The following CHD6 variants were observed in gnomAD, a reference collection of about 807,000 sequenced individuals.
The protein encoded by CHD6 is chromodomain helicase DNA binding protein 6, also known as ATP-dependent chromatin remodeler CHD6.
Under a neutral mutation model 276.9 loss-of-function variants are expected in CHD6, and 50 were observed. The observed-to-expected ratio is 0.18, with a 90% CI of 0.14 to 0.23. CHD6 has a LOEUF of 0.23. Ranked by LOEUF, CHD6 falls within the 10% of genes least tolerant of loss-of-function variation. The pLI is 1.00. For missense variants in CHD6, 2,564 were observed against 3,365.8 expected, an observed-to-expected ratio of 0.76 and a Z score of 5.89; for synonymous variants, 1,173 against 1,229.3, an observed-to-expected ratio of 0.95 and a Z score of 0.96.
At chr20:41,497,689 G>A (rs568262471) in intron 7 of CHD6, 188 bp from the exon 8 acceptor site, 1 of 585,916 alleles carries the variant, frequency 1.7e-6, no homozygotes, top group Admixed American at 2.9e-5. Flanking sequence ...ACAAAACGGA[G>A]TAATTCCAAG....
chr20:41,487,611 C>T, intron 14 of CHD6, 54 bp downstream of exon 14: 5 of 1,536,806 alleles, frequency 3.3e-6, no homozygotes, highest in Non-Finnish European at 4.4e-6. Context: ...CTGCTCTTTT[C>T]TTGATGAAGA....
intron 2 of CHD6, among the ~76,000 whole-genome samples, chr20:41,541,075 G>T (rs1024451688): frequency 2.7e-5 from 4 of 149,820 alleles, no homozygotes; most frequent in African/African-American, 4.9e-5. Context: ...TTATTTTGCT[G>T]CAATTGTACT....
chr20:41,583,274 C>T (rs1380049148), intron 1 of CHD6, among the ~76,000 whole-genome samples: 2 of 151,940 alleles, frequency 1.3e-5, no homozygotes, highest in African/African-American at 4.8e-5. Context: ...ATCTTAAATG[C>T]AGCCAGAGGG....
chr20:41,475,171 G>T (rs181769466), intron 16 of CHD6, among the ~76,000 whole-genome samples: 3 of 152,256 alleles, frequency 2.0e-5, no homozygotes, highest in Admixed American at 2.0e-4. Context: ...TGTCAGTTCT[G>T]TGCCAAACCC....
intron 13 of CHD6, 91 bp downstream of exon 13, chr20:41,488,337 G>A: frequency 1.7e-6 from 2 of 1,173,222 alleles, no homozygotes; most frequent in Non-Finnish European, 2.4e-6. Flanking sequence ...CGACTAGGCA[G>A]AAATAAGTTA....
chr20:41,596,179 A>C (rs2045715903), intron 1 of CHD6, among the ~76,000 whole-genome samples: 1 of 152,186 alleles, frequency 6.6e-6, no homozygotes, highest in Non-Finnish European at 1.5e-5. Context: ...CCAACGAGAA[A>C]TAGAACAATG....
At chr20:41,459,014 C>T (rs1012604352) in intron 17 of CHD6, among the ~76,000 whole-genome samples, 2 of 152,206 alleles carry the variant, frequency 1.3e-5, no homozygotes, top group African/African-American at 4.8e-5. Flanking sequence ...TCCTGGAGTC[C>T]AGAATTGCAA....
intron 15 of CHD6, 75 bp downstream of exon 15, chr20:41,484,277 G>A: frequency 6.6e-7 from 1 of 1,510,674 alleles, no homozygotes; most frequent in Non-Finnish European, 9.1e-7. Context: ...TTCAATACAT[G>A]AGTTATTTGA....
chr20:41,503,859 A>G (rs552054557), intron 5 of CHD6, among the ~76,000 whole-genome samples: 1 of 151,880 alleles, frequency 6.6e-6, no homozygotes, highest in Admixed American at 6.6e-5. Flanking sequence ...GGGTGGATCA[A>G]CTGAGGTCAG....
At chr20:41,413,684 A>T (rs2046911161) in intron 34 of CHD6, 169 bp from the exon 35 acceptor site, 5 of 511,816 alleles carry the variant, frequency 9.8e-6, no homozygotes, top group Non-Finnish European at 1.7e-5. Flanking sequence ...ACCCACGCCC[A>T]CATAAGCTCT....
intron 1 of CHD6, among the ~76,000 whole-genome samples, chr20:41,556,856 T>C (rs2045244709): frequency 6.6e-6 from 1 of 152,232 alleles, no homozygotes; most frequent in African/African-American, 2.4e-5. Context: ...TTTTAAATCT[T>C]TTTAAAGGCA....
chr20:41,533,840 T>C (rs1469904659), intron 2 of CHD6, among the ~76,000 whole-genome samples: 1 of 152,136 alleles, frequency 6.6e-6, no homozygotes, highest in Non-Finnish European at 1.5e-5. Flanking sequence ...AATTGTGCTG[T>C]TCTGTATGAT....
At chr20:41,555,228 TG>T (rs2045210084) in intron 1 of CHD6, among the ~76,000 whole-genome samples, 2 of 85,200 alleles carry the variant, frequency 2.3e-5, no homozygotes, top group Admixed American at 1.2e-4. Flanking sequence ...GCTGGCCGGG[TG>T]GGGGGCTGAC....
intron 1 of CHD6, among the ~76,000 whole-genome samples, chr20:41,554,201 T>A (rs2045186997): frequency 6.6e-6 from 1 of 152,042 alleles, no homozygotes; most frequent in Admixed American, 6.5e-5. Flanking sequence ...AATAAAAAAT[T>A]ACTTTTGTAA....
chr20:41,456,566 A>G (rs940409360), intron 18 of CHD6, among the ~76,000 whole-genome samples: 2 of 152,134 alleles, frequency 1.3e-5, no homozygotes, highest in African/African-American at 4.8e-5. Context: ...GACTCTCTGC[A>G]TGACTAACTT....
chr20:41,608,716 T>C (rs1211096841), intron 1 of CHD6, among the ~76,000 whole-genome samples: 1 of 152,194 alleles, frequency 6.6e-6, no homozygotes, highest in Admixed American at 6.5e-5. Flanking sequence ...ACCTTCTAAC[T>C]CTACTCTTCT....
chr20:41,470,616 C>T lies in CHD6; in HGVS notation c.2664+2706G>A, dbSNP rs538469529. Among the ~76,000 whole-genome samples, 5 of 152,200 alleles carry T rather than the reference C, an allele frequency of 3.3e-5. No homozygotes were observed. The South Asian group carries it at 1.0e-3, about 31-fold the overall frequency. ...CCTTAATTCATCTCTTGCCAGCTCC[C>T]CAGCAGTGGACATTGAGAACAGCTA... On this transcript the variant is annotated intron_variant, in intron 17 of 36. Coordinates refer to ENST00000373233, the MANE Select transcript of CHD6 (RefSeq NM_032221.5).
At chr20:41,563,191 G>A (rs2045320387) in intron 1 of CHD6, among the ~76,000 whole-genome samples, 1 of 152,236 alleles carries the variant, frequency 6.6e-6, no homozygotes, top group Non-Finnish European at 1.5e-5. Flanking sequence ...AAAGCCAGTA[G>A]TAGAAGTGAC....
chr20:41,573,652 T>C (rs1175092904), intron 1 of CHD6, among the ~76,000 whole-genome samples: 1 of 151,840 alleles, frequency 6.6e-6, no homozygotes, highest in East Asian at 1.9e-4. Flanking sequence ...CACAAGTAAC[T>C]GGAGAACAAT....
Sources: gnomAD v4.1 joint callset for allele counts (sites outside exome capture counted in the v4.1 genomes callset) on GRCh38, gnomAD v4.1.1 for gene constraint, MANE v1.5 for transcripts, NCBI Gene and HGNC (gene_info 2026-07-23, HGNC 2026-07-21) for gene names.